Variants in NDUFA10 observed in about 807,000 individuals in gnomAD.
The protein encoded by NDUFA10 is NADH:ubiquinone oxidoreductase subunit A10.
A neutral mutation model predicts 47.8 loss-of-function variants in NDUFA10; 40 were observed. The observed-to-expected ratio is 0.84, with a 90% confidence interval of 0.65 to 1.09. The LOEUF is 1.09. Among genes scored for constraint, NDUFA10 ranks in the 50% least tolerant of loss-of-function variants. The pLI is 0.00. For synonymous variants in NDUFA10, 183 were observed against 172.2 expected, an observed-to-expected ratio of 1.06 and a Z score of -0.49; for missense variants, 413 against 451.1, an observed-to-expected ratio of 0.92 and a Z score of 0.76.
At chr2:240,019,027 C>G (rs1028001677) in intron 3 of NDUFA10, among the ~76,000 whole-genome samples, 1 of 152,150 alleles carries the variant, frequency 6.6e-6, no homozygotes, top group African/African-American at 2.4e-5. Context: ...CCCAGCCTCA[C>G]TGGCTGTGTT....
At chr2:239,908,186 G>A (rs996299142) in intron 4 of NDUFA10, among the ~76,000 whole-genome samples, 1 of 149,642 alleles carries the variant, frequency 6.7e-6, no homozygotes, top group Non-Finnish European at 1.5e-5. Context: ...TCATAGGTGG[G>A]AATTGAACAA....
At chr2:239,912,335 G>T (rs895964428) in intron 4 of NDUFA10, among the ~76,000 whole-genome samples, 1 of 152,158 alleles carries the variant, frequency 6.6e-6, no homozygotes, top group Non-Finnish European at 1.5e-5. Context: ...GGATTCGTGG[G>T]GCCGAGCTGC....
chr2:239,909,677 A>G (rs13401260), intron 4 of NDUFA10, among the ~76,000 whole-genome samples: 25,696 of 151,784 alleles, frequency 0.17, 2,206 homozygotes, highest in South Asian at 0.2. Context: ...TATTCAGGAC[A>G]TAGGCATGGG....
In NDUFA10 at chr2:239,959,933, A is replaced by G. The variant is rs531407321; in HGVS notation, c.*1185T>C. ...GCTCCGCAGCAGCGAGGCCTGGTAG[A>G]GCTTCCGCGGGGAGCAGAGCATCGT... is the stretch of plus-strand genomic sequence containing the variant. On this transcript the variant is annotated 3_prime_UTR_variant, in exon 10 of 10. Coordinates refer to ENST00000252711, the MANE Select transcript of NDUFA10 (RefSeq NM_004544.4). The G allele has an allele frequency of 5.1e-6, 5 of 985,510 alleles. No homozygotes were observed. Among genetic ancestry groups the G allele is most frequent in the South Asian group, 9.4e-5 (2 of 21,294 alleles). 61.0% of individuals were successfully genotyped at this position (985,510 alleles called of 1,614,324 possible). A position where few individuals can be genotyped will look rare whatever the true frequency, so the allele number is the denominator to read the frequency against.
intron 9 of NDUFA10, among the ~76,000 whole-genome samples, chr2:239,976,753 G>A (rs1025460200): frequency 2.0e-5 from 3 of 152,164 alleles, no homozygotes; most frequent in South Asian, 2.1e-4. Flanking sequence ...AGCAGAAGGC[G>A]AGGCGACTCC....
chr2:239,951,959 G>A (rs565455563), intron 4 of NDUFA10, among the ~76,000 whole-genome samples: 2 of 152,364 alleles, frequency 1.3e-5, no homozygotes, highest in East Asian at 1.9e-4. Context: ...CTGAGATGGT[G>A]CATGCCCTTT....
intron 4 of NDUFA10, among the ~76,000 whole-genome samples, chr2:239,938,896 C>T (rs1011265901): frequency 3.9e-5 from 6 of 152,226 alleles, no homozygotes; most frequent in Admixed American, 1.3e-4. Context: ...AGAGGGTCAG[C>T]GGCCCCCGCG....
At chr2:239,924,917 G>A (rs748661656) in intron 4 of NDUFA10, among the ~76,000 whole-genome samples, 5 of 152,032 alleles carry the variant, frequency 3.3e-5, no homozygotes, top group African/African-American at 4.8e-5. Context: ...TAATAGCAAT[G>A]AGCCCATAGA....
rs1362420324 is a variant in NDUFA10, at chr2:239,961,127, C to T, written c.1059G>A (p.Trp353Ter). ...YNTEVGDKWIWLK is the reference protein window; with the variant it reads ...YNTEVGDKWI ...GCAGAAGGCGGCCCGTTCACTTCAGCCAGATCCACTTGTCTCCCACCTCGG... is the reference window on the plus strand; with the variant it reads ...GCAGAAGGCGGCCCGTTCACTTCAGTCAGATCCACTTGTCTCCCACCTCGG... Residue 353 changes from tryptophan (W) to a stop codon, truncating the protein, a stop_gained, in exon 10 of 10, where the codon TGG becomes TGA. Coordinates refer to ENST00000252711, the MANE Select transcript of NDUFA10 (RefSeq NM_004544.4). LOFTEE classifies it high-confidence loss of function. The T allele has an allele frequency of 6.2e-7, 1 of 1,614,218 alleles. No individual in the cohort carries two copies. The highest frequency in any genetic ancestry group is 1.7e-5 in the Admixed American group (1 of 60,030).
rs569287556 is a variant in NDUFA10 at position 240,005,250 on chromosome 2, G to C, written c.850C>G (p.Leu284Val). The C allele has an allele frequency of 6.2e-7, 1 of 1,614,032 alleles. No homozygotes were observed. The highest frequency in any genetic ancestry group is 1.1e-5 in the South Asian group (1 of 91,074). The change falls in exon 8 of 10, where the codon CTC (leucine) becomes GTC (valine). Residue 284 changes from leucine to valine, a missense_variant. By Grantham distance (32) the Leu-to-Val change is conservative. Transcript: ENST00000252711. ...EYLKFDKGPWLKQDNRTLYHL... is the reference protein window; with the variant it reads ...EYLKFDKGPWVKQDNRTLYHL... ...TATAAAGTGCGATTGTCCTGCTTGA[G>C]CCACGGCCCTTTATCGAACTTCAGG... is the stretch of plus-strand genomic sequence containing the variant.
At chr2:239,998,134 A>G (rs561109877) in intron 8 of NDUFA10, among the ~76,000 whole-genome samples, 1 of 152,316 alleles carries the variant, frequency 6.6e-6, no homozygotes, top group Non-Finnish European at 1.5e-5. Context: ...AGCGCAGGTG[A>G]TTTGATTCTA....
chr2:239,901,183 T>A (rs1223618458), intron 4 of NDUFA10, among the ~76,000 whole-genome samples: 3 of 152,160 alleles, frequency 2.0e-5, no homozygotes, highest in African/African-American at 4.8e-5. Flanking sequence ...TTAAAAATTA[T>A]GCTACATTGA....
At chr2:239,968,706 A>G (rs1025039692) in intron 9 of NDUFA10, among the ~76,000 whole-genome samples, 1 of 152,196 alleles carries the variant, frequency 6.6e-6, no homozygotes, top group Admixed American at 6.5e-5. Flanking sequence ...CTGGCTGAGT[A>G]GCCATCAGTG....
chr2:239,970,241 G>A (rs903071641), intron 9 of NDUFA10, among the ~76,000 whole-genome samples: 6 of 152,158 alleles, frequency 3.9e-5, no homozygotes, highest in Non-Finnish European at 8.8e-5. Context: ...AGAGGCAATG[G>A]AATATCTTTT....
At chr2:239,916,964 T>C (rs1693890467) in intron 4 of NDUFA10, among the ~76,000 whole-genome samples, 1 of 149,480 alleles carries the variant, frequency 6.7e-6, no homozygotes, top group Non-Finnish European at 1.5e-5. Flanking sequence ...GCTCTGGCAT[T>C]ACAGGGCAGA....
At chr2:239,940,520 T>C (rs529241648) in intron 4 of NDUFA10, among the ~76,000 whole-genome samples, 1 of 152,372 alleles carries the variant, frequency 6.6e-6, no homozygotes, top group South Asian at 2.1e-4. Flanking sequence ...TGCTATTCTT[T>C]GATAAATTTC....
In NDUFA10 at chr2:239,987,451, CCA is replaced by C. The variant is rs1319660098; in HGVS notation, c.999+2621_999+2622del. 6.6e-6 allele frequency among the ~76,000 whole-genome samples: 1 copy of C among 151,218 alleles called. No homozygotes were observed. The highest frequency in any genetic ancestry group is 2.4e-5 in the African/African-American group (1 of 41,046). On this transcript the variant is annotated intron_variant, in intron 9 of 9. Coordinates refer to ENST00000252711, the MANE Select transcript of NDUFA10 (RefSeq NM_004544.4). This position sits in a 1 kb window ranked among gnomAD's most constrained non-coding sequence, Gnocchi z 4.8. Reference sequence around the variant, plus strand: ...AGTTCAAATGATCCTGACACCGAGACCACACTCGGCGAACCATCACATTCAAG... The same window carrying C: ...AGTTCAAATGATCCTGACACCGAGACCACTCGGCGAACCATCACATTCAAG...
chr2:240,009,757 A>G, intron 6 of NDUFA10, among the ~76,000 whole-genome samples: 1 of 152,310 alleles, frequency 6.6e-6, no homozygotes, highest in South Asian at 2.1e-4. Flanking sequence ...AAAACTAAAA[A>G]CATTTCTCTT....
At chr2:239,919,106 G>A (rs1394207935) in intron 4 of NDUFA10, among the ~76,000 whole-genome samples, 1 of 152,212 alleles carries the variant, frequency 6.6e-6, no homozygotes. Flanking sequence ...GAGGGGCCGA[G>A]GTGGGACAGA....
Sources: allele counts gnomAD v4.1 joint callset (sites outside exome capture counted in the v4.1 genomes callset), GRCh38; gene constraint gnomAD v4.1.1; non-coding constraint Gnocchi (gnomAD v3.1); transcripts MANE v1.5; gene names NCBI Gene and HGNC (gene_info 2026-07-23, HGNC 2026-07-21).